PDE4D: variants seen among roughly 807,000 people sequenced by gnomAD.
PDE4D encodes 3',5'-cyclic-AMP phosphodiesterase 4D.
Under a neutral mutation model 87.4 loss-of-function variants are expected in PDE4D, and 24 were observed. The ratio of observed to expected loss-of-function variants is 0.27; its 90% confidence interval spans 0.20 to 0.39. PDE4D has a LOEUF of 0.39. Among genes scored for constraint, PDE4D ranks in the 10% least tolerant of loss-of-function variants. The probability of loss-of-function intolerance (pLI) is 1.00; values close to 1 mark genes in which losing one functional copy is unlikely to be tolerated. For missense variants in PDE4D, 714 were observed against 1,041.0 expected (o/e 0.69, Z 4.32); for synonymous variants, 384 against 383.2 (o/e 1.00, Z -0.02).
chr5:59,678,643 T>C (rs1033461227), intron 1 of PDE4D, among the ~76,000 whole-genome samples: 1 of 152,094 alleles, frequency 6.6e-6, no homozygotes, highest in Non-Finnish European at 1.5e-5. Flanking sequence ...TTCTGTATTT[T>C]TAGTAGAGAT....
chr5:60,412,944 G>A (rs1218059138), intron 1 of PDE4D, among the ~76,000 whole-genome samples: 1 of 152,144 alleles, frequency 6.6e-6, no homozygotes. Context: ...ATTTGCTAAT[G>A]ACTAGGTGAA....
At chr5:60,306,123 T>C (rs770094471) in intron 1 of PDE4D, among the ~76,000 whole-genome samples, 6 of 152,064 alleles carry the variant, frequency 3.9e-5, no homozygotes, top group Non-Finnish European at 5.9e-5. Context: ...AATGCATAAG[T>C]ATGTGAAAGA....
chr5:59,268,437 T>C (rs1193874697), intron 1 of PDE4D, among the ~76,000 whole-genome samples: 1 of 151,988 alleles, frequency 6.6e-6, no homozygotes, highest in Non-Finnish European at 1.5e-5. Context: ...CTGTACACAG[T>C]TATATTTAAC....
chr5:59,446,283 AAG>A (rs1298342463), intron 1 of PDE4D, among the ~76,000 whole-genome samples: 2 of 152,190 alleles, frequency 1.3e-5, no homozygotes, highest in African/African-American at 4.8e-5. Context: ...ATATAGTAAC[AAG>A]AGTGATTCTT....
intron 1 of PDE4D, among the ~76,000 whole-genome samples, chr5:59,810,706 C>T (rs1053283547): frequency 6.6e-6 from 1 of 152,348 alleles, no homozygotes; most frequent in Non-Finnish European, 1.5e-5. Flanking sequence ...GAAGCCCCGC[C>T]TATTTTGCTA....
chr5:60,288,368 T>C (rs918603099), intron 1 of PDE4D, among the ~76,000 whole-genome samples: 9 of 152,218 alleles, frequency 5.9e-5, no homozygotes, highest in African/African-American at 2.2e-4. Flanking sequence ...TTCCTAAACC[T>C]CTAATTTAGG....
chr5:59,725,151 T>A (rs1482709248), intron 1 of PDE4D, among the ~76,000 whole-genome samples: 1 of 152,062 alleles, frequency 6.6e-6, no homozygotes, highest in Admixed American at 6.6e-5. Flanking sequence ...CCTTTCCTTC[T>A]GGTTTGCCCG....
chr5:59,567,107 T>G (rs1821071107), intron 1 of PDE4D, among the ~76,000 whole-genome samples: 1 of 152,196 alleles, frequency 6.6e-6, no homozygotes, highest in South Asian at 2.1e-4. Context: ...ATCTTAAAAT[T>G]GTTTTCCTTG....
At chr5:59,242,008 A>G (rs1408903017) in intron 1 of PDE4D, among the ~76,000 whole-genome samples, 1 of 151,764 alleles carries the variant, frequency 6.6e-6, no homozygotes, top group East Asian at 1.9e-4. Flanking sequence ...TGTATTTCCA[A>G]TATCTAGCAT....
chr5:59,073,828 T>A (rs1414085085), intron 5 of PDE4D, among the ~76,000 whole-genome samples: 2 of 152,226 alleles, frequency 1.3e-5, no homozygotes, highest in Non-Finnish European at 2.9e-5. Context: ...AAAGTTTTTA[T>A]CTTTCTTAAA....
intron 1 of PDE4D, among the ~76,000 whole-genome samples, chr5:60,357,891 A>T (rs958221847): frequency 4.6e-5 from 7 of 152,198 alleles, no homozygotes; most frequent in African/African-American, 1.7e-4. Flanking sequence ...CATATTTCAC[A>T]TCTCCACTTA....
chr5:59,064,144 A>G (rs1763540530), intron 5 of PDE4D, among the ~76,000 whole-genome samples: 1 of 151,152 alleles, frequency 6.6e-6, no homozygotes, highest in Admixed American at 6.6e-5. Context: ...GGAGGGAGAC[A>G]TGGAGGGGGC....
Position 59,586,474 on chromosome 5 carries a change from G to A in PDE4D, c.455+306694C>T, listed in dbSNP as rs147500161. 12,171 of 1,436,174 alleles carry A rather than the reference G, an allele frequency of 8.5e-3. 81 individuals carry two copies. Among genetic ancestry groups the A allele is most frequent in the Non-Finnish European group, 9.6e-3 (10,485 of 1,092,294 alleles). 89.0% of individuals were successfully genotyped at this position (1,436,174 alleles called of 1,614,324 possible). On this transcript the variant is annotated intron_variant, in intron 1 of 14. Transcript: ENST00000340635. ...CAACTCTCTTGTTTGAGCAGCTATC[G>A]TGGGCAATTATTGCAACAAGTATTG...
At chr5:58,999,389 A>G in intron 6 of PDE4D, 1 of 497,360 alleles carries the variant, frequency 2.0e-6, no homozygotes, top group Non-Finnish European at 3.5e-6. Context: ...TAAGGAAAGA[A>G]TACATAACTG....
chr5:59,828,592 G>A (rs1185943080), intron 1 of PDE4D, among the ~76,000 whole-genome samples: 4 of 151,984 alleles, frequency 2.6e-5, no homozygotes, highest in Non-Finnish European at 5.9e-5. Flanking sequence ...TTAATTTGGG[G>A]CTGACTCAGT....
intron 2 of PDE4D, among the ~76,000 whole-genome samples, chr5:60,060,559 G>T (rs1261045296): frequency 6.6e-6 from 1 of 152,016 alleles, no homozygotes; most frequent in Non-Finnish European, 1.5e-5. Context: ...GATTTACATA[G>T]CATGCTTGCC....
chr5:59,512,264 C>T (rs557891350), intron 1 of PDE4D, among the ~76,000 whole-genome samples: 1 of 152,166 alleles, frequency 6.6e-6, no homozygotes, highest in East Asian at 1.9e-4. Context: ...CTGAAAGGAG[C>T]AGGCTAAGCC....
intron 5 of PDE4D, among the ~76,000 whole-genome samples, chr5:59,058,289 C>T (rs1393760911): frequency 6.6e-6 from 1 of 152,114 alleles, no homozygotes. Context: ...TCTGAGATGT[C>T]ACATGATTAG....
intron 1 of PDE4D, among the ~76,000 whole-genome samples, chr5:59,443,485 A>T (rs2153637116): frequency 6.6e-6 from 1 of 152,342 alleles, no homozygotes; most frequent in East Asian, 1.9e-4. Flanking sequence ...AAATAAAAGC[A>T]TGTACTCTCT....
Sources: gnomAD v4.1 joint callset for allele counts (sites outside exome capture counted in the v4.1 genomes callset) on GRCh38, gnomAD v4.1.1 for gene constraint, MANE v1.5 for transcripts, NCBI Gene and HGNC (gene_info 2026-07-23, HGNC 2026-07-21) for gene names.